TUSC3: variants seen among roughly 807,000 people sequenced by gnomAD.
TUSC3 encodes tumor suppressor candidate 3, also known as dolichyl-diphosphooligosaccharide--protein glycosyltransferase subunit TUSC3.
Under a neutral mutation model 44.8 loss-of-function variants are expected in TUSC3, and 45 were observed. That is an observed-to-expected ratio of 1.00 (90% confidence interval 0.79 to 1.29). The LOEUF is 1.29. Ranked by LOEUF, TUSC3 falls within the 50% of genes most tolerant of loss-of-function variation. The pLI is 0.00. For missense variants in TUSC3, 519 were observed against 437.9 expected, an observed-to-expected ratio of 1.19 and a Z score of -1.65; for synonymous variants, 212 against 152.9, an observed-to-expected ratio of 1.39 and a Z score of -2.85.
At chr8:15,801,616 A>G in the TUSC3 span, among the ~76,000 whole-genome samples, 1 of 152,166 alleles carries the variant, frequency 6.6e-6, no homozygotes, top group Non-Finnish European at 1.5e-5. Flanking sequence ...TGGAGGCAGT[A>G]TATGGCAGGC....
chr8:15,474,583 C>T (rs1005367172), intron 1 of TUSC3, among the ~76,000 whole-genome samples: 1 of 152,044 alleles, frequency 6.6e-6, no homozygotes, highest in African/African-American at 2.4e-5. Context: ...TAAGAAAAGC[C>T]ACATGCATCC....
chr8:15,748,619 A>T (rs755741376), intron 9 of TUSC3, 154 bp downstream of exon 9: 1 of 764,516 alleles, frequency 1.3e-6, no homozygotes, highest in South Asian at 1.4e-5. Flanking sequence ...TGTGTTCAGC[A>T]TAGTGAAGTA....
At chr8:15,589,732 A>C (rs1431476114) in intron 1 of TUSC3, among the ~76,000 whole-genome samples, 1 of 152,110 alleles carries the variant, frequency 6.6e-6, no homozygotes, top group Non-Finnish European at 1.5e-5. Context: ...CATCATTTAT[A>C]ACCATTATCA....
chr8:15,473,167 C>T (rs980514407), intron 1 of TUSC3, among the ~76,000 whole-genome samples: 1 of 152,162 alleles, frequency 6.6e-6, no homozygotes, highest in Non-Finnish European at 1.5e-5. Flanking sequence ...TTATTTCTGA[C>T]TTAGCACCCA....
intron 2 of TUSC3, among the ~76,000 whole-genome samples, chr8:15,642,733 G>T (rs975659668): frequency 2.6e-5 from 4 of 152,082 alleles, no homozygotes; most frequent in African/African-American, 9.7e-5. Flanking sequence ...TGAGTATCAT[G>T]ATAGTTCCTG....
At chr8:15,562,838 A>G (rs74913530) in intron 1 of TUSC3, among the ~76,000 whole-genome samples, 5,792 of 152,184 alleles carry the variant, frequency 0.038, 226 homozygotes, top group East Asian at 0.12. Context: ...CTTCTTTTAA[A>G]ATGTTTTCCT....
chr8:15,549,845 A>T (rs1332999640), intron 1 of TUSC3, among the ~76,000 whole-genome samples: 1 of 151,672 alleles, frequency 6.6e-6, no homozygotes, highest in Non-Finnish European at 1.5e-5. Flanking sequence ...ATGGTGTAGC[A>T]GGACGAGCCG....
chr8:15,572,132 G>A (rs1285678660), intron 1 of TUSC3, among the ~76,000 whole-genome samples: 1 of 152,146 alleles, frequency 6.6e-6, no homozygotes, highest in Non-Finnish European at 1.5e-5. Context: ...CTCTAGCCAT[G>A]GCATCGCCTT....
Position 15,563,685 on chromosome 8 carries a change from C to CAAAA in TUSC3, c.138+23134_138+23137dup, listed in dbSNP as rs150368776. ...TGAGTGACAGAGTGAGCCTCCATCT[C>CAAAA]AAAAAAAAAAAAAAAAAAAAGAACA... is the stretch of plus-strand genomic sequence containing the variant. On this transcript the variant is annotated intron_variant, in intron 1 of 10. Transcript: ENST00000503731. 1.3e-3 allele frequency among the ~76,000 whole-genome samples: 106 copies of CAAAA among 79,898 alleles called. 2 individuals are homozygous for CAAAA. The highest frequency in any genetic ancestry group is 4.9e-3 in the Admixed American group (31 of 6,374). The allele number at this position is 79,898 out of a possible 152,430, so 52.4% of individuals were successfully genotyped here. A position where few individuals can be genotyped will look rare whatever the true frequency, so the allele number is the denominator to read the frequency against.
chr8:15,465,013 C>A (rs1204567353), intron 1 of TUSC3, among the ~76,000 whole-genome samples: 1 of 152,086 alleles, frequency 6.6e-6, no homozygotes, highest in Non-Finnish European at 1.5e-5. Context: ...CCATGCCCAG[C>A]TAATTTTTGT....
At chr8:15,693,536 G>T (rs1310842865) in intron 6 of TUSC3, among the ~76,000 whole-genome samples, 1 of 149,434 alleles carries the variant, frequency 6.7e-6, no homozygotes, top group African/African-American at 2.5e-5. Context: ...CTTATTGGGG[G>T]TTTCCTTTAT....
intron 2 of TUSC3, among the ~76,000 whole-genome samples, chr8:15,489,030 A>G (rs1316746152): frequency 6.6e-6 from 1 of 152,192 alleles, no homozygotes; most frequent in African/African-American, 2.4e-5. Context: ...AAATATTTAT[A>G]GAGACTTACT....
At chr8:15,567,276 A>T (rs1296994389) in intron 1 of TUSC3, among the ~76,000 whole-genome samples, 1 of 152,160 alleles carries the variant, frequency 6.6e-6, no homozygotes, top group Non-Finnish European at 1.5e-5. Flanking sequence ...TTTTTCAATT[A>T]ACAAAAAGTT....
At chr8:15,778,419 G>T in the TUSC3 span, among the ~76,000 whole-genome samples, 1 of 152,128 alleles carries the variant, frequency 6.6e-6, no homozygotes, top group African/African-American at 2.4e-5. Flanking sequence ...ATCAGCATCT[G>T]CTATGCCTGG....
intron 2 of TUSC3, among the ~76,000 whole-genome samples, chr8:15,489,043 G>T (rs111230346): frequency 6.6e-6 from 1 of 152,176 alleles, no homozygotes; most frequent in Non-Finnish European, 1.5e-5. Context: ...GACTTACTCT[G>T]AGTCAAATAT....
At chr8:15,447,846 CAG>C (rs1800127173) in intron 1 of TUSC3, among the ~76,000 whole-genome samples, 2 of 151,570 alleles carry the variant, frequency 1.3e-5, no homozygotes, top group Non-Finnish European at 2.9e-5. Flanking sequence ...CCCATAAAAA[CAG>C]AGACTCCCTC....
At chr8:15,649,541 G>A (rs575543147) in intron 2 of TUSC3, among the ~76,000 whole-genome samples, 1 of 150,708 alleles carries the variant, frequency 6.6e-6, no homozygotes, top group African/African-American at 2.4e-5. Flanking sequence ...CCGAGATCGC[G>A]CCACTGCACT....
intron 9 of TUSC3, among the ~76,000 whole-genome samples, chr8:15,755,983 A>G (rs993882823): frequency 6.6e-6 from 1 of 152,182 alleles, no homozygotes; most frequent in Non-Finnish European, 1.5e-5. Flanking sequence ...AAGATACATC[A>G]AGTCTCTGCT....
chr8:15,671,105 A>G (rs368077267), intron 5 of TUSC3, among the ~76,000 whole-genome samples: 6 of 151,894 alleles, frequency 4.0e-5, no homozygotes, highest in South Asian at 2.1e-4. Flanking sequence ...ATTTTGTTCA[A>G]CCTCCTGAGA....
Sources: gnomAD v4.1 joint callset for allele counts (sites outside exome capture counted in the v4.1 genomes callset) on GRCh38, gnomAD v4.1.1 for gene constraint, MANE v1.5 for transcripts, NCBI Gene and HGNC (gene_info 2026-07-23, HGNC 2026-07-21) for gene names.